Variants in CBX8 observed in about 807,000 individuals in gnomAD.
The protein encoded by CBX8 is chromobox 8.
In CBX8, 8 loss-of-function variants were observed where a neutral mutation model predicts 39.7. The ratio of observed to expected loss-of-function variants is 0.20; its 90% confidence interval spans 0.12 to 0.36. CBX8 has a LOEUF of 0.36. Ranked by LOEUF, CBX8 falls within the 10% of genes least tolerant of loss-of-function variation. The pLI is 1.00. For missense variants in CBX8, 505 were observed against 529.6 expected (o/e 0.95, Z 0.46); for synonymous variants, 268 against 219.8 (o/e 1.22, Z -1.94).
Position 79,796,276 on chromosome 17 carries a change from A to C in CBX8, c.153T>G (p.Ala51=). Residue 51 remains alanine (A), a synonymous_variant, in exon 3 of 5, where the codon GCT becomes GCG. Transcript: ENST00000269385. ...TTTCCTCAAAGGCTGCGAGCAAGCG[A>C]GCATCCAGGATGTTTTCCTCCGGTT... is the stretch of plus-strand genomic sequence containing the variant. ...TWEPEENILD[A]RLLAAFEERE... 1 of 1,614,190 alleles carries C rather than the reference A, an allele frequency of 6.2e-7. No homozygotes were observed. Among genetic ancestry groups the C allele is most frequent in the Non-Finnish European group, 8.5e-7 (1 of 1,180,030 alleles).
chr17:79,796,285 G>A lies in CBX8; in HGVS notation c.144C>T (p.Ile48=), dbSNP rs2145839338. The A allele has an allele frequency of 1.9e-6, 3 of 1,614,210 alleles. No individual in the cohort carries two copies. Among genetic ancestry groups the A allele is most frequent in the Admixed American group, 1.7e-5 (1 of 60,030 alleles). Residue 48 remains isoleucine (I), a synonymous_variant, in exon 3 of 5, where the codon ATC becomes ATT. Coordinates refer to ENST00000269385, the MANE Select transcript of CBX8 (RefSeq NM_020649.3). ...KYSTWEPEEN[I]LDARLLAAFE... Reference sequence around the variant, plus strand: ...AGGCTGCGAGCAAGCGAGCATCCAGGATGTTTTCCTCCGGTTCCCATGTGC... The same window carrying A: ...AGGCTGCGAGCAAGCGAGCATCCAGAATGTTTTCCTCCGGTTCCCATGTGC...
rs533102630 is a variant in CBX8, at chr17:79,795,267, G to A, written c.538C>T (p.Arg180Trp). Residue 180 changes from arginine (R) to tryptophan (W), a missense_variant, in exon 5 of 5, where the codon CGG (arginine) becomes TGG (tryptophan). Physicochemically the swap from Arg to Trp is moderately radical, Grantham distance 101. Coordinates refer to ENST00000269385, the MANE Select transcript of CBX8 (RefSeq NM_020649.3). This position sits in a 1 kb window ranked among gnomAD's most constrained non-coding sequence, Gnocchi z 5.8. ...RERERERERE[R>W]GTSRVDDKPS... The stretch of plus-strand genomic sequence containing the variant: ...TTGTCATCCACTCTGCTGGTACCCC[G>A]CTCTCGTTCCCTCTCACGTTCCCGC... The A allele has an allele frequency of 8.7e-6, 14 of 1,609,348 alleles. No individual in the cohort carries two copies. Among genetic ancestry groups the A allele is most frequent in the East Asian group, 2.2e-5 (1 of 44,700 alleles).
intron 2 of CBX8, 54 bp from the exon 3 acceptor site, chr17:79,796,369 G>A (rs1320099921): frequency 1.3e-6 from 2 of 1,595,528 alleles, no homozygotes; most frequent in South Asian, 2.2e-5. Context: ...GGTGAGAGCA[G>A]AGGGGGTGTG....
chr17:79,796,097 G>T lies in CBX8; in HGVS notation c.206C>A (p.Pro69His). The change falls in exon 4 of 5, where the codon CCC (proline) becomes CAC (histidine). Residue 69 changes from proline (P) to histidine (H), a missense_variant. Pro to His is a moderately conservative substitution (Grantham distance 77, BLOSUM62 -2). Around this residue, in one of 3 missense-constraint regions of CBX8, gnomAD observed 32 missense variants for 101.4 expected, o/e 0.32. Coordinates refer to ENST00000269385, the MANE Select transcript of CBX8 (RefSeq NM_020649.3). ...EREREMELYG[P>H]KKRGPKPKTF... ...TTTGGGCTTGGGTCCACGCTTTTTGGGGCCATAGAGCTCCATCTCTCTTTC... is the reference window on the plus strand; with the variant it reads ...TTTGGGCTTGGGTCCACGCTTTTTGTGGCCATAGAGCTCCATCTCTCTTTC... The T allele has an allele frequency of 6.2e-7, 1 of 1,614,106 alleles. No individual in the cohort carries two copies. The highest frequency in any genetic ancestry group is 8.5e-7 in the Non-Finnish European group (1 of 1,180,020).
rs748996167 is a variant in CBX8 at position 79,795,332 on chromosome 17, C to G, written c.473G>C (p.Arg158Pro). Residue 158 changes from arginine to proline, a missense_variant, in exon 5 of 5, where the codon CGG becomes CCG. Transcript: ENST00000269385. The surrounding 1 kb of genome is among the most constrained non-coding windows in gnomAD (Gnocchi z 5.8). ...RDRDRDRDRD[R>P]ERDRERERER... Reference sequence around the variant, plus strand: ...CCTCTCCCTTTCTCGATCCCGCTCCCGGTCCCTATCCCGGTCTCGGTCCCG... The same window carrying G: ...CCTCTCCCTTTCTCGATCCCGCTCCGGGTCCCTATCCCGGTCTCGGTCCCG... 3.2e-6 allele frequency: 5 copies of G among 1,583,328 alleles called. No homozygotes were observed. The highest frequency in any genetic ancestry group is 1.8e-5 in the Admixed American group (1 of 54,592).
chr17:79,795,075 C>A lies in CBX8; in HGVS notation c.730G>T (p.Gly244Cys). Residue 244 changes from glycine to cysteine, a missense_variant, in exon 5 of 5, where the codon GGC becomes TGC. Gly to Cys is a radical substitution (Grantham distance 159). This residue lies in a region of CBX8 where 456 missense variants were observed against 389.2 expected (regional missense o/e 1.17). Transcript: ENST00000269385. This position sits in a 1 kb window ranked among gnomAD's most constrained non-coding sequence, Gnocchi z 5.8. ...TPSGAGKFPA[G>C]HSVIQLARRQ... ...CGGGCCAGCTGGATCACACTGTGGCCGGCTGGAAACTTTCCTGCCCCGGAA... is the reference window on the plus strand; with the variant it reads ...CGGGCCAGCTGGATCACACTGTGGCAGGCTGGAAACTTTCCTGCCCCGGAA... 9 of 1,609,490 alleles carry A rather than the reference C, an allele frequency of 5.6e-6. No homozygotes were observed. The highest frequency in any genetic ancestry group is 7.6e-6 in the Non-Finnish European group (9 of 1,177,940).
rs1248003580 is a variant in CBX8 at position 79,794,177 on chromosome 17, C to CA, written c.*457dup. 3.3e-5 allele frequency: 5 copies of CA among 152,128 alleles called. No individual in the cohort carries two copies. The highest frequency in any genetic ancestry group is 1.2e-4 in the African/African-American group (5 of 41,406). 9.4% of individuals were successfully genotyped at this position (152,128 alleles called of 1,614,324 possible). ...GCAAATCTGGGCCGGGCCTTGGTGC[C>CA]AGGAGTCTGGCATTGGGCTGTGGGA... is the stretch of plus-strand genomic sequence containing the variant. On this transcript the variant is annotated 3_prime_UTR_variant, in exon 5 of 5. Coordinates refer to ENST00000269385, the MANE Select transcript of CBX8 (RefSeq NM_020649.3).
chr17:79,797,001 T>C lies in CBX8; in HGVS notation c.-3A>G. The C allele has an allele frequency of 6.2e-7, 1 of 1,608,874 alleles. No individual in the cohort carries two copies. Among genetic ancestry groups the C allele is most frequent in the Non-Finnish European group, 8.5e-7 (1 of 1,178,178 alleles). On this transcript the variant is annotated 5_prime_UTR_variant, in exon 1 of 5. Transcript: ENST00000269385. ...TCCCCCACCGCTGAAAGCTCCATGTTGACTCGCCGCTTCCCCCCTTGGCCG... is the reference window on the plus strand; with the variant it reads ...TCCCCCACCGCTGAAAGCTCCATGTCGACTCGCCGCTTCCCCCCTTGGCCG...
chr17:79,796,032 CCA>C (rs752391109), intron 4 of CBX8, 23 bp downstream of exon 4: 1 of 1,610,904 alleles, frequency 6.2e-7, no homozygotes, highest in South Asian at 1.1e-5. Flanking sequence ...ACATGGTCCT[CCA>C]CCATTGGACA....
intron 1 of CBX8, among the ~76,000 whole-genome samples, 188 bp downstream of exon 1, chr17:79,796,742 G>A (rs1386659143): frequency 1.6e-5 from 2 of 125,014 alleles, no homozygotes; most frequent in Non-Finnish European, 3.3e-5. Flanking sequence ...CCCCACCCAT[G>A]CAATCCGTGC....
rs1040508109 is a variant in CBX8, at chr17:79,795,750, T to C, written c.247-192A>G. On this transcript the variant is annotated intron_variant, in intron 4 of 4. Coordinates refer to ENST00000269385, the MANE Select transcript of CBX8 (RefSeq NM_020649.3). The surrounding 1 kb of genome is among the most constrained non-coding windows in gnomAD (Gnocchi z 5.8). The stretch of plus-strand genomic sequence containing the variant: ...TGGGATGGCTGTTGGAGCTGAGAGG[T>C]AGAAGGATGAGAGAAGAGGTAGAAG... Among the ~76,000 whole-genome samples, 17 of 151,758 alleles carry C rather than the reference T, an allele frequency of 1.1e-4. No individual in the cohort carries two copies. The highest frequency in any genetic ancestry group is 1.9e-4 in the East Asian group (1 of 5,180).
Position 79,796,789 on chromosome 17 carries a change from GCTGCCGCCGCCGCCGCCGCCA to G in CBX8, c.69+120_69+140del. 5 of 776,134 alleles carry G rather than the reference GCTGCCGCCGCCGCCGCCGCCA, an allele frequency of 6.4e-6. No homozygotes were observed. In the East Asian group the frequency reaches 1.1e-4, roughly 17 times the overall value. The allele number at this position is 776,134 out of a possible 1,614,324, so 48.1% of individuals were successfully genotyped here. A position where few individuals can be genotyped will look rare whatever the true frequency, so the allele number is the denominator to read the frequency against. ...TCTAAGGAAAGCGCCTGGGCTCAGA[GCTGCCGCCGCCGCCGCCGCCA>G]CGGCCGCGGCCGCTGCTGGGACCTG... On this transcript the variant is annotated intron_variant, in intron 1 of 4. Transcript: ENST00000269385.
At position 79,795,496 on chromosome 17, in the gene CBX8, C is replaced by G; in HGVS notation, c.309G>C (p.Arg103=). The change falls in exon 5 of 5, where the codon CGG becomes CGC. Residue 103 remains arginine, a synonymous_variant. Transcript: ENST00000269385. The surrounding 1 kb of genome is among the most constrained non-coding windows in gnomAD (Gnocchi z 5.8). ...GGGGCGAGCGGCCAGGGTAGGGGAT[C>G]CGGATGCCCCTGGCTGAGTCACTTC... ...EFRSDSARGI[R]IPYPGRSPQD... 1.3e-6 allele frequency: 2 copies of G among 1,566,574 alleles called. No homozygotes were observed. The highest frequency in any genetic ancestry group is 1.7e-6 in the Non-Finnish European group (2 of 1,157,650).
chr17:79,796,567 G>A (rs927193402), intron 1 of CBX8, 27 bp from the exon 2 acceptor site: 6 of 1,613,498 alleles, frequency 3.7e-6, no homozygotes, highest in African/African-American at 1.3e-5. Flanking sequence ...GATAATGTGT[G>A]TGCATGGGGA....
chr17:79,797,018 C>G lies in CBX8; in HGVS notation c.-20G>C, dbSNP rs201502339. The G allele has an allele frequency of 1.7e-4, 274 of 1,604,416 alleles. No individual in the cohort carries two copies. Among genetic ancestry groups the G allele is most frequent in the Admixed American group, 3.0e-4 (18 of 59,412 alleles). ...CTCCATGTTGACTCGCCGCTTCCCC[C>G]CTTGGCCGCTTCCAGGAGCAGAAAA... is the stretch of plus-strand genomic sequence containing the variant. On this transcript the variant is annotated 5_prime_UTR_variant, in exon 1 of 5. Coordinates refer to ENST00000269385, the MANE Select transcript of CBX8 (RefSeq NM_020649.3).
rs749778014 is a variant in CBX8 at position 79,795,460 on chromosome 17, G to C, written c.345C>G (p.Ala115=). The C allele has an allele frequency of 2.5e-6, 4 of 1,606,238 alleles. No homozygotes were observed. Among genetic ancestry groups the C allele is most frequent in the East Asian group, 4.5e-5 (2 of 44,800 alleles). ...PYPGRSPQDL[A]STSRAREGLR... is the part of the protein sequence containing the mutation. Reference sequence around the variant, plus strand: ...GGCCCTCCCGGGCCCGGGAAGTGGAGGCCAGGTCCTGGGGCGAGCGGCCAG... The same window carrying C: ...GGCCCTCCCGGGCCCGGGAAGTGGACGCCAGGTCCTGGGGCGAGCGGCCAG... The change falls in exon 5 of 5, where the codon GCC becomes GCG. Residue 115 remains alanine (A), a synonymous_variant. Coordinates refer to ENST00000269385, the MANE Select transcript of CBX8 (RefSeq NM_020649.3). This position sits in a 1 kb window ranked among gnomAD's most constrained non-coding sequence, Gnocchi z 5.8.
Position 79,796,526 on chromosome 17 carries a change from G to A in CBX8, c.84C>T (p.Tyr28=), listed in dbSNP as rs1454936319. ...KRRIRKGRME[Y]LVKWKGWSQK... The stretch of plus-strand genomic sequence containing the variant: ...GCGACCATCCCTTCCATTTCACGAG[G>A]TATTCCATGCGTCCCTGCGGGTGCA... The change falls in exon 2 of 5, where the codon TAC becomes TAT. Residue 28 remains tyrosine (Y), a synonymous_variant. Coordinates refer to ENST00000269385, the MANE Select transcript of CBX8 (RefSeq NM_020649.3). 4 of 1,614,186 alleles carry A rather than the reference G, an allele frequency of 2.5e-6. No individual in the cohort carries two copies. In the Admixed American group the frequency reaches 5.0e-5, roughly 20 times the overall value.
chr17:79,796,646 G>T (rs1908104414), intron 1 of CBX8, 106 bp from the exon 2 acceptor site: 6 of 1,307,164 alleles, frequency 4.6e-6, no homozygotes, highest in Non-Finnish European at 5.5e-6. Flanking sequence ...TCGAAACCCC[G>T]CCGCAAAAGG....
rs1568507544 is a variant in CBX8 at position 79,795,004 on chromosome 17, G to A, written c.801C>T (p.Ser267=). 6.2e-7 allele frequency: 1 copy of A among 1,606,668 alleles called. No individual in the cohort carries two copies. The highest frequency in any genetic ancestry group is 2.2e-5 in the East Asian group (1 of 44,534). Residue 267 remains serine (S), a synonymous_variant, in exon 5 of 5, where the codon AGC becomes AGT. Transcript: ENST00000269385. The surrounding 1 kb of genome is among the most constrained non-coding windows in gnomAD (Gnocchi z 5.8). ...CCAGTTTGCCCGTGGCCTCAGCTGAGCTAGGGCTGGTCACACCACACTGCA... is the reference window on the plus strand; with the variant it reads ...CCAGTTTGCCCGTGGCCTCAGCTGAACTAGGGCTGGTCACACCACACTGCA... ...DLVQCGVTSP[S]SAEATGKLAV...
Sources: allele counts gnomAD v4.1 joint callset (sites outside exome capture counted in the v4.1 genomes callset), GRCh38; gene constraint gnomAD v4.1.1; regional missense constraint gnomAD v4.1.1; non-coding constraint Gnocchi (gnomAD v3.1); transcripts MANE v1.5; gene names NCBI Gene and HGNC (gene_info 2026-07-23, HGNC 2026-07-21).